The following CYP3A4 variants were observed in gnomAD, a reference collection of about 807,000 sequenced individuals.
CYP3A4 encodes the protein cytochrome P450 family 3 subfamily A member 4.
CYP3A4 carries 41 observed loss-of-function variants against 54.9 expected under a neutral mutation model. The ratio of observed to expected loss-of-function variants is 0.75; its 90% confidence interval spans 0.58 to 0.97. The LOEUF is 0.97. Ranked by LOEUF, CYP3A4 falls within the 50% of genes least tolerant of loss-of-function variation. The pLI, the probability that CYP3A4 is intolerant of heterozygous loss-of-function variation, is 0.00. For missense variants in CYP3A4, 510 were observed against 597.3 expected, an observed-to-expected ratio of 0.85 and a Z score of 1.52; for synonymous variants, 179 against 205.2, an observed-to-expected ratio of 0.87 and a Z score of 1.09.
intron 3 of CYP3A4, among the ~76,000 whole-genome samples, chr7:99,773,092 C>T (rs1226250251): frequency 6.6e-6 from 1 of 151,970 alleles, no homozygotes; most frequent in Non-Finnish European, 1.5e-5. Context: ...TCAAAAGAGA[C>T]AAAGATGGGC....
chr7:99,767,624 T>C (rs567495535), intron 7 of CYP3A4, among the ~76,000 whole-genome samples: 1 of 152,310 alleles, frequency 6.6e-6, no homozygotes, highest in Non-Finnish European at 1.5e-5. Context: ...CAAGAAATAG[T>C]AGGTAGTCAA....
intron 3 of CYP3A4, among the ~76,000 whole-genome samples, chr7:99,776,534 C>T (rs1159605064): frequency 2.0e-5 from 3 of 152,182 alleles, no homozygotes; most frequent in African/African-American, 4.8e-5. Context: ...GAGTTCATGT[C>T]CTTTGCAGGG....
Position 99,758,175 on chromosome 7 carries a change from A to G in CYP3A4, c.1470T>C (p.Val490=), listed in dbSNP as rs1395925925. The stretch of plus-strand genomic sequence containing the variant: ...TGCCATCCCTTGACTCAACCTTTAG[A>G]ACAACGGGTTTTTCTGGTTGAAGAA... ...GGLLQPEKPV[V]LKVESRDGTV... Residue 490 remains valine, a synonymous_variant, in exon 13 of 13, where the codon GTT becomes GTC. Transcript: ENST00000651514. 1 of 1,613,936 alleles carries G rather than the reference A, an allele frequency of 6.2e-7. No homozygotes were observed. The highest frequency in any genetic ancestry group is 8.5e-7 in the Non-Finnish European group (1 of 1,179,948).
chr7:99,774,118 A>T (rs191391976), intron 3 of CYP3A4, among the ~76,000 whole-genome samples: 3 of 152,352 alleles, frequency 2.0e-5, no homozygotes, highest in Non-Finnish European at 2.9e-5. Context: ...TCCTGGACAC[A>T]TGCCCCCTCC....
chr7:99,763,127 G>A (rs1467691159), intron 10 of CYP3A4, among the ~76,000 whole-genome samples: 2 of 152,172 alleles, frequency 1.3e-5, no homozygotes, highest in Non-Finnish European at 2.9e-5. Flanking sequence ...GGAGAGCTGA[G>A]TCAGCCTGCA....
chr7:99,768,492 C>A lies in CYP3A4; in HGVS notation c.532G>T (p.Ala178Ser), dbSNP rs538632608. 2.5e-6 allele frequency: 4 copies of A among 1,613,782 alleles called. No individual in the cohort carries two copies. In the South Asian group the frequency reaches 3.3e-5, roughly 13 times the overall value. ...CTAGTGATCACATCCATGCTGTAGG[C>A]CCCAAAGACGCTGAGTGGAGAAAGA... ...KPVTLKDVFG[A>S]YSMDVITSTS... The change falls in exon 7 of 13, where the codon GCC (alanine) becomes TCC (serine). Residue 178 changes from alanine (A) to serine (S), a missense_variant. Physicochemically the swap from Ala to Ser is moderately conservative, Grantham distance 99. Around this residue, in one of 2 missense-constraint regions of CYP3A4, gnomAD observed 272 missense variants for 274.9 expected, o/e 0.99. Transcript: ENST00000651514.
chr7:99,770,338 T>C lies in CYP3A4; in HGVS notation c.319-103A>G. 2.8e-6 allele frequency: 3 copies of C among 1,080,910 alleles called. No individual in the cohort carries two copies. In the South Asian group the frequency reaches 4.0e-5, roughly 14 times the overall value. The allele number at this position is 1,080,910 out of a possible 1,614,324, so 67.0% of individuals were successfully genotyped here. Reference sequence around the variant, plus strand: ...GAACACTTATTCAACAACTATTTAGTGACTGTCTACTGGGTGATGGGCCCT... The same window carrying C: ...GAACACTTATTCAACAACTATTTAGCGACTGTCTACTGGGTGATGGGCCCT... On this transcript the variant is annotated intron_variant, in intron 4 of 12. Transcript: ENST00000651514.
intron 12 of CYP3A4, 73 bp from the exon 13 acceptor site, chr7:99,758,301 G>A (rs1815233450): frequency 6.6e-7 from 1 of 1,520,732 alleles, no homozygotes; most frequent in Non-Finnish European, 9.1e-7. Flanking sequence ...CAAAGTGAGT[G>A]AGACACTCCT....
chr7:99,766,508 G>A, intron 8 of CYP3A4, 65 bp from the exon 9 acceptor site: 2 of 1,599,870 alleles, frequency 1.3e-6, no homozygotes, highest in Non-Finnish European at 1.7e-6. Context: ...TAAATCACAA[G>A]CGTGGTCCTT....
rs1815195969 is a variant in CYP3A4, at chr7:99,757,181, A to T, written c.*952T>A. 6.6e-6 allele frequency: 1 copy of T among 152,166 alleles called. No homozygotes were observed. The highest frequency in any genetic ancestry group is 2.4e-5 in the African/African-American group (1 of 41,448). 9.4% of individuals were successfully genotyped at this position (152,166 alleles called of 1,614,324 possible). On this transcript the variant is annotated 3_prime_UTR_variant, in exon 13 of 13. Coordinates refer to ENST00000651514, the MANE Select transcript of CYP3A4 (RefSeq NM_017460.6). ...CAAAATGTACGTGCTTCAAAAAGGC[A>T]TATTTTTTTAAGACTGAGTCTCACT...
At chr7:99,769,933 T>C in intron 5 of CYP3A4, 77 bp from the exon 6 acceptor site, 2 of 1,604,572 alleles carry the variant, frequency 1.2e-6, no homozygotes, top group South Asian at 2.2e-5. Flanking sequence ...TTCCCCAGCA[T>C]GGAGCAGTAA....
rs1355188716 is a variant in CYP3A4, at chr7:99,757,218, T to G, written c.*915A>C. On this transcript the variant is annotated 3_prime_UTR_variant, in exon 13 of 13. Coordinates refer to ENST00000651514, the MANE Select transcript of CYP3A4 (RefSeq NM_017460.6). ...GACTGAGTCTCACTCTCACCCAGAC[T>G]GGAGTGCAGTGGTGCAATCTCAGCT... is the stretch of plus-strand genomic sequence containing the variant. 1 of 152,262 alleles carries G rather than the reference T, an allele frequency of 6.6e-6. No individual in the cohort carries two copies. Among genetic ancestry groups the G allele is most frequent in the Non-Finnish European group, 1.5e-5 (1 of 68,054 alleles). 9.4% of individuals were successfully genotyped at this position (152,262 alleles called of 1,614,324 possible).
chr7:99,763,778 T>C, intron 10 of CYP3A4, 77 bp downstream of exon 10: 1 of 1,534,504 alleles, frequency 6.5e-7, no homozygotes, highest in Admixed American at 1.9e-5. Context: ...TTATAAAAAT[T>C]CTCCTGGGAA....
rs755800998 is a variant in CYP3A4 at position 99,769,792 on chromosome 7, G to A, written c.497C>T (p.Thr166Ile). 6.2e-7 allele frequency: 1 copy of A among 1,613,992 alleles called. No homozygotes were observed. The highest frequency in any genetic ancestry group is 1.1e-5 in the South Asian group (1 of 91,080). ...LVRNLRREAETGKPVTLKDVF... is the reference protein window; with the variant it reads ...LVRNLRREAEIGKPVTLKDVF... The stretch of plus-strand genomic sequence containing the variant: ...CTCTTTCAAGGTGACAGGCTTGCCT[G>A]TCTCTGCTTCCCGCCTCAGATTTCT... The change falls in exon 6 of 13, where the codon ACA (threonine) becomes ATA (isoleucine). Residue 166 changes from threonine (T) to isoleucine (I), a missense_variant. Thr to Ile is a moderately conservative substitution (Grantham distance 89). Transcript: ENST00000651514.
In CYP3A4 at chr7:99,779,990, A is replaced by G; in HGVS notation, c.165+2T>C. ...CAAAAGAGTGAGCTCAAAAACACTC[A>G]CCTTATGGTAGGACAAAATATTTCC... On this transcript the variant is annotated splice_donor_variant, in intron 2 of 12. Transcript: ENST00000651514. LOFTEE classifies it high-confidence loss of function. The G allele has an allele frequency of 1.9e-6, 3 of 1,611,706 alleles. No individual in the cohort carries two copies. The highest frequency in any genetic ancestry group is 2.5e-6 in the Non-Finnish European group (3 of 1,178,128).
chr7:99,772,709 T>G lies in CYP3A4; in HGVS notation c.219-20A>C. 1.2e-6 allele frequency: 2 copies of G among 1,611,648 alleles called. No individual in the cohort carries two copies. The highest frequency in any genetic ancestry group is 1.7e-6 in the Non-Finnish European group (2 of 1,178,636). On this transcript the variant is annotated intron_variant, in intron 3 of 12. Transcript: ENST00000651514. ...TAAAAGCTGTGTGAAAAAAACAGAG[T>G]TGATTAAACATCAACAGCCTTATTC...
rs376112268 is a variant in CYP3A4 at position 99,760,815 on chromosome 7, T to C, written c.1416+4A>G. On this transcript the variant is annotated splice_donor_region_variant and intron_variant, in intron 12 of 12. Coordinates refer to ENST00000651514, the MANE Select transcript of CYP3A4 (RefSeq NM_017460.6). ...AACATTATTTTTATAGAAAATTGAC[T>C]AACCTGTGTTTCTTTACAAGGTTTG... is the stretch of plus-strand genomic sequence containing the variant. 7.6e-5 allele frequency: 122 copies of C among 1,613,676 alleles called. No individual in the cohort carries two copies. In the African/African-American group the frequency reaches 1.6e-3, roughly 21 times the overall value.
chr7:99,776,285 G>A (rs1815770215), intron 3 of CYP3A4, among the ~76,000 whole-genome samples: 1 of 152,188 alleles, frequency 6.6e-6, no homozygotes, highest in East Asian at 1.9e-4. Flanking sequence ...AGACAGTGTG[G>A]TGATTCCTCA....
chr7:99,762,561 T>TAC (rs964311352), intron 10 of CYP3A4, among the ~76,000 whole-genome samples: 1 of 151,658 alleles, frequency 6.6e-6, no homozygotes, highest in African/African-American at 2.4e-5. Flanking sequence ...CACACACACA[T>TAC]ACACACACAC....
Sources: gnomAD v4.1 joint callset for allele counts (sites outside exome capture counted in the v4.1 genomes callset) on GRCh38, gnomAD v4.1.1 for gene constraint, gnomAD v4.1.1 regional missense constraint, MANE v1.5 for transcripts, NCBI Gene and HGNC (gene_info 2026-07-23, HGNC 2026-07-21) for gene names.